WDR25: variants seen among roughly 807,000 people sequenced by gnomAD.
WDR25 encodes the protein WD repeat domain 25, also known as WD repeat-containing protein 25.
WDR25 carries 35 observed loss-of-function variants against 47.7 expected under a neutral mutation model. The observed-to-expected ratio is 0.73, with a 90% CI of 0.56 to 0.97. The LOEUF (loss-of-function observed/expected upper bound fraction) is 0.97. Among genes scored for constraint, WDR25 ranks in the 50% least tolerant of loss-of-function variants. The pLI is 0.00. For missense variants in WDR25, 634 were observed against 704.7 expected (o/e 0.90, Z 1.14); for synonymous variants, 248 against 278.9 (o/e 0.89, Z 1.10).
rs990157615 is a variant in WDR25 at position 100,424,319 on chromosome 14, T to A, written c.822+42573T>A. ...AAGGAGCAGGGCATTAGCCTCTGTTTCCATGACAGACTGTTCACAGCCTCA... is the reference window on the plus strand; with the variant it reads ...AAGGAGCAGGGCATTAGCCTCTGTTACCATGACAGACTGTTCACAGCCTCA... On this transcript the variant is annotated intron_variant, in intron 2 of 6. Coordinates refer to ENST00000402312, the MANE Select transcript of WDR25 (RefSeq NM_001161476.3). This position sits in a 1 kb window ranked among gnomAD's most constrained non-coding sequence, Gnocchi z 4.2. Among the ~76,000 whole-genome samples the A allele has an allele frequency of 6.6e-5, 10 of 152,188 alleles. No homozygotes were observed. The highest frequency in any genetic ancestry group is 2.4e-4 in the African/African-American group (10 of 41,432).
chr14:100,384,820 G>A (rs1896983581), intron 2 of WDR25, among the ~76,000 whole-genome samples: 1 of 152,166 alleles, frequency 6.6e-6, no homozygotes, highest in Non-Finnish European at 1.5e-5. Flanking sequence ...TGCTGGATCA[G>A]GAAGGAGGGA....
Position 100,529,747 on chromosome 14 carries a change from C to T in WDR25, c.1414-73C>T. ...CGTCAGCTCGGGGCTTCAGCCTGCT[C>T]CTCTGTAGAATGGGCATACTCACCC... On this transcript the variant is annotated intron_variant, in intron 6 of 6. Transcript: ENST00000402312. This position sits in a 1 kb window ranked among gnomAD's most constrained non-coding sequence, Gnocchi z 5.1. The T allele has an allele frequency of 1.3e-6, 2 of 1,508,278 alleles. No individual in the cohort carries two copies. The highest frequency in any genetic ancestry group is 1.2e-5 in the South Asian group (1 of 80,664). 93.4% of individuals were successfully genotyped at this position (1,508,278 alleles called of 1,614,324 possible).
chr14:100,385,037 G>C (rs1156571765), intron 2 of WDR25, among the ~76,000 whole-genome samples: 1 of 152,172 alleles, frequency 6.6e-6, no homozygotes, highest in Non-Finnish European at 1.5e-5. Context: ...CTGGCACATA[G>C]CAGGCACTTA....
intron 2 of WDR25, among the ~76,000 whole-genome samples, chr14:100,465,137 G>A (rs934168026): frequency 6.6e-6 from 1 of 151,514 alleles, no homozygotes; most frequent in Non-Finnish European, 1.5e-5. Flanking sequence ...ACAAATTCAC[G>A]TATAAATGAG....
intron 4 of WDR25, among the ~76,000 whole-genome samples, chr14:100,520,247 A>G (rs141969179): frequency 5.3e-5 from 8 of 151,988 alleles, no homozygotes; most frequent in East Asian, 3.9e-4. Context: ...TGGAGACAAA[A>G]TATATTATTG....
chr14:100,466,854 G>T (rs986610582), intron 2 of WDR25, among the ~76,000 whole-genome samples: 2 of 152,342 alleles, frequency 1.3e-5, no homozygotes, highest in Non-Finnish European at 2.9e-5. Context: ...ACCTCTGTGT[G>T]TCAGGCCCTG....
chr14:100,426,336 T>C (rs924028000), intron 2 of WDR25, among the ~76,000 whole-genome samples: 2 of 152,268 alleles, frequency 1.3e-5, no homozygotes, highest in African/African-American at 2.4e-5. Flanking sequence ...GGAAGAGTTA[T>C]TGGCTACTTT....
chr14:100,450,418 C>T (rs1162331870), intron 2 of WDR25, among the ~76,000 whole-genome samples: 3 of 152,240 alleles, frequency 2.0e-5, no homozygotes, highest in Non-Finnish European at 2.9e-5. Context: ...CAGCACTGAT[C>T]TGAGTGAGAA....
At chr14:100,394,960 G>C (rs1437263777) in intron 2 of WDR25, among the ~76,000 whole-genome samples, 2 of 151,856 alleles carry the variant, frequency 1.3e-5, no homozygotes, top group Admixed American at 6.6e-5. Context: ...ACTCAAGCCT[G>C]TATCTCAAAA....
intron 3 of WDR25, among the ~76,000 whole-genome samples, chr14:100,474,037 C>A (rs1003904574): frequency 1.3e-5 from 2 of 152,198 alleles, no homozygotes; most frequent in Non-Finnish European, 1.5e-5. Flanking sequence ...CAGAGGGGCT[C>A]CACAGCCTAG....
At chr14:100,472,880 A>G (rs942986646) in intron 3 of WDR25, among the ~76,000 whole-genome samples, 33 of 152,346 alleles carry the variant, frequency 2.2e-4, no homozygotes, top group Non-Finnish European at 3.5e-4. Flanking sequence ...CAGGAGGCCT[A>G]TGGCCCTCTT....
chr14:100,454,334 G>A, intron 2 of WDR25: 1 of 1,269,000 alleles, frequency 7.9e-7, no homozygotes. Flanking sequence ...TTTGACTGAG[G>A]TAATGGGGTA....
rs1239321736 is a variant in WDR25, at chr14:100,529,853, C to G, written c.1447C>G (p.Pro483Ala). 3.1e-6 allele frequency: 5 copies of G among 1,612,922 alleles called. No individual in the cohort carries two copies. The East Asian group carries it at 8.9e-5, about 29-fold the overall frequency. The change falls in exon 7 of 7, where the codon CCA becomes GCA. Residue 483 changes from proline to alanine, a missense_variant. By Grantham distance (27) the Pro-to-Ala change is conservative (BLOSUM62 -1). Coordinates refer to ENST00000402312, the MANE Select transcript of WDR25 (RefSeq NM_001161476.3). This position sits in a 1 kb window ranked among gnomAD's most constrained non-coding sequence, Gnocchi z 5.1. Reference protein sequence around the residue: ...EGYSVGCECSPGGDLLVTGSA... With the variant: ...EGYSVGCECSAGGDLLVTGSA... The stretch of plus-strand genomic sequence containing the variant: ...CTACTCAGTGGGCTGCGAGTGCTCC[C>G]CAGGCGGTGACTTGCTGGTGACGGG...
Position 100,381,333 on chromosome 14 carries a change from G to A in WDR25, c.409G>A (p.Val137Ile). 6.2e-7 allele frequency: 1 copy of A among 1,614,236 alleles called. No homozygotes were observed. The highest frequency in any genetic ancestry group is 1.6e-4 in the Middle Eastern group (1 of 6,062). Residue 137 changes from valine (V) to isoleucine (I), a missense_variant, in exon 2 of 7, where the codon GTA (valine) becomes ATA (isoleucine). Val to Ile is a conservative substitution (Grantham distance 29, BLOSUM62 3). Transcript: ENST00000402312. ...MPLAAARFKQ[V>I]KLSRNFPKSS... Reference sequence around the variant, plus strand: ...CCTGGCAGCTGCCCGCTTTAAGCAAGTAAAACTCTCCAGGAACTTTCCCAA... The same window carrying A: ...CCTGGCAGCTGCCCGCTTTAAGCAAATAAAACTCTCCAGGAACTTTCCCAA...
At chr14:100,466,024 GTTTA>G (rs749674278) in intron 2 of WDR25, among the ~76,000 whole-genome samples, 7 of 152,222 alleles carry the variant, frequency 4.6e-5, no homozygotes, top group Non-Finnish European at 1.0e-4. Flanking sequence ...TGTAGATCTC[GTTTA>G]TTTTACTATT....
chr14:100,412,638 T>C (rs1022298478), intron 2 of WDR25, among the ~76,000 whole-genome samples: 3 of 152,296 alleles, frequency 2.0e-5, no homozygotes, highest in African/African-American at 7.2e-5. Flanking sequence ...AACCTTTCAG[T>C]TGTGTTTTTA....
intron 2 of WDR25, among the ~76,000 whole-genome samples, chr14:100,396,041 A>G (rs1427690808): frequency 1.3e-5 from 2 of 148,836 alleles, no homozygotes; most frequent in East Asian, 2.0e-4. Flanking sequence ...CAGTGGTGCA[A>G]TCTCGGCTCA....
At chr14:100,453,880 C>T (rs986367478) in intron 2 of WDR25, among the ~76,000 whole-genome samples, 1 of 152,182 alleles carries the variant, frequency 6.6e-6, no homozygotes, top group Non-Finnish European at 1.5e-5. Context: ...AAATTCCTTC[C>T]CTTTGTTCTG....
At chr14:100,432,605 T>C (rs1399190449) in intron 2 of WDR25, among the ~76,000 whole-genome samples, 1 of 152,256 alleles carries the variant, frequency 6.6e-6, no homozygotes, top group Non-Finnish European at 1.5e-5. Flanking sequence ...TCCACATATA[T>C]AAGCATGCAT....
Sources: gnomAD v4.1 joint callset for allele counts (sites outside exome capture counted in the v4.1 genomes callset) on GRCh38, gnomAD v4.1.1 for gene constraint, Gnocchi (gnomAD v3.1) non-coding constraint, MANE v1.5 for transcripts, NCBI Gene and HGNC (gene_info 2026-07-23, HGNC 2026-07-21) for gene names.